Variants in PBX1 observed in about 807,000 individuals in gnomAD.
PBX1 encodes the protein PBX homeobox 1.
A neutral mutation model predicts 53.4 loss-of-function variants in PBX1; 6 were observed. That is an observed-to-expected ratio of 0.11 (90% CI 0.06 to 0.22). The LOEUF (loss-of-function observed/expected upper bound fraction) is 0.22. Among genes scored for constraint, PBX1 ranks in the 10% least tolerant of loss-of-function variants. The probability of loss-of-function intolerance (pLI) is 1.00; values close to 1 mark genes in which losing one functional copy is unlikely to be tolerated. For synonymous variants in PBX1, 204 were observed against 212.3 expected (o/e 0.96, Z 0.34); for missense variants, 251 against 551.4 (o/e 0.46, Z 5.46).
intron 2 of PBX1, among the ~76,000 whole-genome samples, chr1:164,870,191 A>ACTTTCTTT (rs375090982): frequency 1.6e-4 from 20 of 126,490 alleles, no homozygotes; most frequent in Admixed American, 1.0e-3. Context: ...TTCTCTATTG[A>ACTTTCTTT]CTTTCTTTCT....
intron 2 of PBX1, among the ~76,000 whole-genome samples, chr1:164,678,631 A>G (rs1661575093): frequency 6.6e-6 from 1 of 152,158 alleles, no homozygotes; most frequent in Non-Finnish European, 1.5e-5. Context: ...GCAACAATTT[A>G]ACCTATGTCT....
intron 2 of PBX1, among the ~76,000 whole-genome samples, chr1:164,789,752 C>T (rs1252028940): frequency 6.6e-6 from 1 of 152,178 alleles, no homozygotes; most frequent in African/African-American, 2.4e-5. Context: ...GGTGGACCCA[C>T]TTGAAGGCAT....
At chr1:164,879,862 T>C (rs1672604540) in intron 2 of PBX1, among the ~76,000 whole-genome samples, 1 of 152,122 alleles carries the variant, frequency 6.6e-6, no homozygotes, top group Non-Finnish European at 1.5e-5. Flanking sequence ...AATGCAGTAC[T>C]TAAGGGGGAA....
chr1:164,819,460 G>C (rs1670041356), intron 6 of PBX1: 1 of 152,124 alleles, frequency 6.6e-6, no homozygotes, highest in Non-Finnish European at 1.5e-5. Flanking sequence ...AGTCCTCAAG[G>C]TTCCTTGGGC....
At position 164,610,630 on chromosome 1, in the gene PBX1, G is replaced by A. The variant is rs190857582; in HGVS notation, c.265+47319G>A. ...GCAGAATACCAGGAGAGCTACAAGC[G>A]ATCGGTTCTGTACTGTGTCCCTGTG... On this transcript the variant is annotated intron_variant, in intron 2 of 8. Coordinates refer to ENST00000420696, the MANE Select transcript of PBX1 (RefSeq NM_002585.4). Among the ~76,000 whole-genome samples the A allele has an allele frequency of 1.5e-4, 23 of 152,238 alleles. No homozygotes were observed. The East Asian group carries it at 4.5e-3, about 30-fold the overall frequency.
intron 2 of PBX1, among the ~76,000 whole-genome samples, chr1:164,611,345 C>A (rs964860175): frequency 6.6e-6 from 1 of 152,182 alleles, no homozygotes; most frequent in Non-Finnish European, 1.5e-5. Flanking sequence ...TCATGCCATT[C>A]TTCTGCCTCA....
At chr1:164,732,523 A>ATC in intron 2 of PBX1, among the ~76,000 whole-genome samples, 1 of 152,108 alleles carries the variant, frequency 6.6e-6, no homozygotes, top group East Asian at 1.9e-4. Context: ...AACTTTCTCA[A>ATC]TCTCCCTGTA....
intron 2 of PBX1, among the ~76,000 whole-genome samples, chr1:164,629,722 C>T (rs544912024): frequency 7.4e-4 from 112 of 152,336 alleles, no homozygotes; most frequent in African/African-American, 2.6e-3. Flanking sequence ...TGCAACATTT[C>T]TGTAAAAAGT....
intron 2 of PBX1, chr1:164,641,262 G>A (rs1223432506): frequency 6.5e-6 from 1 of 152,932 alleles, no homozygotes; most frequent in Non-Finnish European, 1.5e-5. Flanking sequence ...GAAGAGAAGG[G>A]GAGAGAAGAA....
In PBX1 at chr1:164,849,263, G is replaced by A. The variant is rs1187881361; in HGVS notation, c.*2587G>A. 65 of 1,528,514 alleles carry A rather than the reference G, an allele frequency of 4.3e-5. No homozygotes were observed. Among genetic ancestry groups the A allele is most frequent in the Non-Finnish European group, 1.5e-5 (17 of 1,142,284 alleles). The allele number at this position is 1,528,514 out of a possible 1,614,324, so 94.7% of individuals were successfully genotyped here. A position where few individuals can be genotyped will look rare whatever the true frequency, so the allele number is the denominator to read the frequency against. ...ATTTGCACAGGCAGTTTCTCTCCGG[G>A]CCGTAGTTTTCACTGATGATCACCT... On this transcript the variant is annotated 3_prime_UTR_variant, in exon 9 of 9. Transcript: ENST00000420696.
chr1:164,731,312 C>CAATAAAAAAAAA (rs1664968447), intron 2 of PBX1, among the ~76,000 whole-genome samples: 1 of 118,230 alleles, frequency 8.5e-6, no homozygotes. Flanking sequence ...TTTCATCAGC[C>CAATAAAAAAAAA]AAAAAAAAAA....
At chr1:164,654,620 A>G (rs925428011) in intron 2 of PBX1, among the ~76,000 whole-genome samples, 1 of 152,258 alleles carries the variant, frequency 6.6e-6, no homozygotes, top group African/African-American at 2.4e-5. Context: ...AAAGAGTCAA[A>G]ATGGGAAGAG....
At chr1:164,861,257 C>T (rs1262268419) in intron 2 of PBX1, among the ~76,000 whole-genome samples, 1 of 152,128 alleles carries the variant, frequency 6.6e-6, no homozygotes, top group Admixed American at 6.5e-5. Context: ...AAAGTGATTA[C>T]ACAGCAGGTA....
intron 5 of PBX1, 113 bp from the exon 6 acceptor site, chr1:164,811,877 G>T (rs200449195): frequency 6.0e-6 from 3 of 503,092 alleles, no homozygotes; most frequent in Non-Finnish European, 6.1e-6. Context: ...ATTATTATAG[G>T]ATAAGACCAA....
At chr1:164,690,647 T>G (rs61234119) in intron 2 of PBX1, among the ~76,000 whole-genome samples, 1,794 of 150,974 alleles carry the variant, frequency 0.012, 44 homozygotes, top group African/African-American at 0.042. Context: ...AAAAAAAATC[T>G]TTTTTCTGTT....
chr1:164,792,988 T>C (rs1668595744), intron 3 of PBX1, among the ~76,000 whole-genome samples: 1 of 152,176 alleles, frequency 6.6e-6, no homozygotes, highest in South Asian at 2.1e-4. Flanking sequence ...GTAAATGATT[T>C]CAAGGAAACA....
At chr1:164,772,058 T>TCATCCTTTCTCTGA (rs1557998390) in intron 2 of PBX1, among the ~76,000 whole-genome samples, 6 of 152,056 alleles carry the variant, frequency 3.9e-5, no homozygotes, top group Non-Finnish European at 8.8e-5. Context: ...CCTTTGTCTG[T>TCATCCTTTCTCTGA]TCATCCTTTC....
rs183972636 is a variant in PBX1 at position 164,636,247 on chromosome 1, G to A, written c.265+72936G>A. On this transcript the variant is annotated intron_variant, in intron 2 of 8. Coordinates refer to ENST00000420696, the MANE Select transcript of PBX1 (RefSeq NM_002585.4). ...AGAGATGGAAGGGGGGAGGAACACA[G>A]TTTCTTGGGTTAACCAAGGAGAAGG... Among the ~76,000 whole-genome samples, 398 of 152,100 alleles carry A rather than the reference G, an allele frequency of 2.6e-3. 9 individuals are homozygous for A. The highest frequency in any genetic ancestry group is 4.3e-4 in the Non-Finnish European group (29 of 68,004).
chr1:164,581,164 C>T (rs1654588373), intron 2 of PBX1, among the ~76,000 whole-genome samples: 2 of 151,916 alleles, frequency 1.3e-5, no homozygotes, highest in South Asian at 4.2e-4. Context: ...ACCCAAAAGT[C>T]TCATCTGTCC....
Sources: allele counts gnomAD v4.1 joint callset (sites outside exome capture counted in the v4.1 genomes callset), GRCh38; gene constraint gnomAD v4.1.1; transcripts MANE v1.5; gene names NCBI Gene and HGNC (gene_info 2026-07-23, HGNC 2026-07-21).